Variants in EXOC6B observed in about 807,000 individuals in gnomAD.
EXOC6B encodes SEC15 homolog B.
In EXOC6B, 54 loss-of-function variants were observed where a neutral mutation model predicts 113.5. The ratio of observed to expected loss-of-function variants is 0.48; its 90% CI spans 0.38 to 0.60. The LOEUF is 0.60. EXOC6B is among the 20% of genes least tolerant of loss of function. The pLI, the probability that EXOC6B is intolerant of heterozygous loss-of-function variation, is 0.00. For missense variants in EXOC6B, 797 were observed against 977.5 expected (o/e 0.82, Z 2.46); for synonymous variants, 357 against 339.0 (o/e 1.05, Z -0.58).
At chr2:72,657,094 G>A (rs1010024251) in intron 6 of EXOC6B, among the ~76,000 whole-genome samples, 20 of 152,066 alleles carry the variant, frequency 1.3e-4, no homozygotes, top group African/African-American at 3.9e-4. Flanking sequence ...CAGGTGATCC[G>A]ACCGCCTTGG....
At chr2:72,366,848 G>A (rs1355766541) in intron 19 of EXOC6B, among the ~76,000 whole-genome samples, 1 of 151,300 alleles carries the variant, frequency 6.6e-6, no homozygotes, top group Non-Finnish European at 1.5e-5. Context: ...ACATCTTTCT[G>A]AAGATTTTAC....
chr2:72,343,301 C>T (rs1337128275), intron 19 of EXOC6B, among the ~76,000 whole-genome samples: 2 of 152,142 alleles, frequency 1.3e-5, no homozygotes, highest in African/African-American at 2.4e-5. Flanking sequence ...GTGACACACA[C>T]CTCTAGTTCC....
rs1044344057 is a variant in EXOC6B at position 72,567,314 on chromosome 2, C to T, written c.847-7793G>A. ...AAAAGAACTGTGAAGAAATCTTGAA[C>T]TTAATAACTTTATTGCTTTTAGTGA... On this transcript the variant is annotated intron_variant, in intron 7 of 21. Transcript: ENST00000272427. Among the ~76,000 whole-genome samples, 111 of 151,948 alleles carry T rather than the reference C, an allele frequency of 7.3e-4. 1 individual carries two copies. Among genetic ancestry groups the T allele is most frequent in the Admixed American group, 7.2e-3 (110 of 15,260 alleles).
intron 1 of EXOC6B, among the ~76,000 whole-genome samples, chr2:72,809,537 A>G (rs1004413286): frequency 5.3e-5 from 8 of 152,226 alleles, no homozygotes; most frequent in Non-Finnish European, 8.8e-5. Flanking sequence ...AAATAACCCA[A>G]AGTAAACAGC....
intron 20 of EXOC6B, among the ~76,000 whole-genome samples, chr2:72,276,122 A>G (rs1056021181): frequency 8.5e-5 from 13 of 152,140 alleles, no homozygotes; most frequent in Admixed American, 8.5e-4. Flanking sequence ...TGAGGGGTTC[A>G]GTGTCAATGG....
chr2:72,183,851 T>C (rs1000749387), intron 21 of EXOC6B, among the ~76,000 whole-genome samples: 2 of 152,086 alleles, frequency 1.3e-5, no homozygotes, highest in African/African-American at 4.8e-5. Flanking sequence ...TTCTGATCCA[T>C]ACTTGGCCTG....
intron 6 of EXOC6B, among the ~76,000 whole-genome samples, chr2:72,617,083 A>G (rs960524165): frequency 2.6e-5 from 4 of 152,214 alleles, no homozygotes; most frequent in Non-Finnish European, 5.9e-5. Context: ...GGGGCAGTCA[A>G]ATCTTAAAGC....
intron 18 of EXOC6B, among the ~76,000 whole-genome samples, chr2:72,406,966 A>G (rs1161504463): frequency 6.6e-6 from 1 of 152,106 alleles, no homozygotes; most frequent in African/African-American, 2.4e-5. Flanking sequence ...AAAGAAGACT[A>G]GCAAGACTAA....
chr2:72,612,111 C>G (rs1025005986), intron 6 of EXOC6B, among the ~76,000 whole-genome samples: 1 of 151,744 alleles, frequency 6.6e-6, no homozygotes, highest in African/African-American at 2.4e-5. Flanking sequence ...ACTGTCTCTA[C>G]TAAAAATTTA....
intron 20 of EXOC6B, among the ~76,000 whole-genome samples, chr2:72,257,439 T>A (rs1683419563): frequency 6.6e-6 from 1 of 152,226 alleles, no homozygotes; most frequent in African/African-American, 2.4e-5. Flanking sequence ...AGAGCCTAAA[T>A]TTAATCATTA....
At chr2:72,626,880 G>A (rs1459536041) in intron 6 of EXOC6B, among the ~76,000 whole-genome samples, 4 of 151,958 alleles carry the variant, frequency 2.6e-5, no homozygotes, top group Non-Finnish European at 5.9e-5. Flanking sequence ...CTTATGCTGT[G>A]GGCTAAAGAT....
At chr2:72,330,900 T>A (rs543520533) in intron 20 of EXOC6B, among the ~76,000 whole-genome samples, 1 of 152,138 alleles carries the variant, frequency 6.6e-6, no homozygotes, top group East Asian at 1.9e-4. Context: ...GTTAGGTTGT[T>A]TGTAGATGAG....
intron 18 of EXOC6B, among the ~76,000 whole-genome samples, chr2:72,442,494 A>T (rs1268220990): frequency 6.6e-6 from 1 of 152,188 alleles, no homozygotes; most frequent in East Asian, 1.9e-4. Flanking sequence ...AGAAAACCAC[A>T]TTGTCTCAAC....
chr2:72,278,518 G>T (rs1451484968), intron 20 of EXOC6B, among the ~76,000 whole-genome samples: 3 of 152,136 alleles, frequency 2.0e-5, no homozygotes, highest in Admixed American at 2.0e-4. Flanking sequence ...TAAGAGAATT[G>T]TTCCTTCTCA....
chr2:72,428,559 A>G (rs2105289529), intron 18 of EXOC6B, among the ~76,000 whole-genome samples: 1 of 152,236 alleles, frequency 6.6e-6, no homozygotes, highest in South Asian at 2.1e-4. Flanking sequence ...ACTCCTCCCA[A>G]TTCCACGCTT....
At chr2:72,777,093 C>T (rs1461530360) in intron 1 of EXOC6B, among the ~76,000 whole-genome samples, 1 of 151,904 alleles carries the variant, frequency 6.6e-6, no homozygotes, top group Non-Finnish European at 1.5e-5. Flanking sequence ...ATACAAAAAT[C>T]AGCCAGGCGT....
At chr2:72,728,806 C>T (rs1368301330) in intron 5 of EXOC6B, among the ~76,000 whole-genome samples, 3 of 152,152 alleles carry the variant, frequency 2.0e-5, no homozygotes, top group African/African-American at 7.2e-5. Context: ...TATTACCTTG[C>T]ACCAAAGGAA....
intron 18 of EXOC6B, among the ~76,000 whole-genome samples, chr2:72,390,890 C>T (rs80110114): frequency 1.1e-4 from 17 of 152,266 alleles, no homozygotes; most frequent in Admixed American, 3.9e-4. Flanking sequence ...ATGGACTTTT[C>T]GCCCTATACA....
intron 6 of EXOC6B, among the ~76,000 whole-genome samples, chr2:72,626,231 G>C (rs761395027): frequency 2.0e-5 from 3 of 152,022 alleles, no homozygotes; most frequent in Non-Finnish European, 4.4e-5. Context: ...GAAGTGAAAG[G>C]CTCTTTCAGC....
Sources: gnomAD v4.1 joint callset for allele counts (sites outside exome capture counted in the v4.1 genomes callset) on GRCh38, gnomAD v4.1.1 for gene constraint, MANE v1.5 for transcripts, NCBI Gene and HGNC (gene_info 2026-07-23, HGNC 2026-07-21) for gene names.